RP1: variants seen among roughly 807,000 people sequenced by gnomAD.
The protein encoded by RP1 is RP1 axonemal microtubule associated.
A neutral mutation model predicts 14.8 loss-of-function variants in RP1; 16 were observed. That is an observed-to-expected ratio of 1.08 (90% CI 0.73 to 1.65). The LOEUF (loss-of-function observed/expected upper bound fraction) is 1.65. Among genes scored for constraint, RP1 ranks in the 40% most tolerant of loss-of-function variants. The pLI, the probability that RP1 is intolerant of heterozygous loss-of-function variation, is 0.00. For missense variants in RP1, 2,631 were observed against 2,535.0 expected (o/e 1.04, Z -0.81); for synonymous variants, 876 against 883.6 (o/e 0.99, Z 0.15).
rs183840515 is a variant in RP1 at position 54,610,493 on chromosome 8, C to A, written c.-12-10462C>A. Among the ~76,000 whole-genome samples the A allele has an allele frequency of 1.1e-4, 17 of 152,196 alleles. No individual in the cohort carries two copies. The East Asian group carries it at 3.3e-3, about 29-fold the overall frequency. On this transcript the variant is annotated intron_variant, in intron 1 of 22. Transcript: ENST00000636932. Reference sequence around the variant, plus strand: ...TTTAGCTTGAACCTTTAGTATAATGCCTTTAGTATACTTAAGAATCTTCAG... The same window carrying A: ...TTTAGCTTGAACCTTTAGTATAATGACTTTAGTATACTTAAGAATCTTCAG...
chr8:54,587,490 T>C (rs1330114003), intron 1 of RP1, among the ~76,000 whole-genome samples: 4 of 151,748 alleles, frequency 2.6e-5, no homozygotes, highest in Non-Finnish European at 5.9e-5. Context: ...TCACCTTGCT[T>C]AGGCATTTTA....
At chr8:54,781,868 A>G (rs1442772557) in intron 23 of RP1, among the ~76,000 whole-genome samples, 1 of 152,154 alleles carries the variant, frequency 6.6e-6, no homozygotes, top group East Asian at 1.9e-4. Context: ...GCTAATTCCA[A>G]AAAGGAGGAA....
chr8:54,701,673 G>A (rs1056738738), intron 14 of RP1: 14 of 1,533,060 alleles, frequency 9.1e-6, no homozygotes, highest in Non-Finnish European at 1.2e-5. Context: ...GTAAAATGGA[G>A]AAAGTTATTA....
intron 22 of RP1, among the ~76,000 whole-genome samples, chr8:54,762,696 G>A (rs1256520311): frequency 3.3e-5 from 5 of 152,124 alleles, no homozygotes; most frequent in African/African-American, 9.7e-5. Flanking sequence ...TGATTGCATT[G>A]AACAACTGAA....
chr8:54,723,995 C>T lies in RP1; in HGVS notation c.2390-2350C>T, dbSNP rs189518672. Among the ~76,000 whole-genome samples, 7 of 152,264 alleles carry T rather than the reference C, an allele frequency of 4.6e-5. No individual in the cohort carries two copies. The East Asian group carries it at 9.6e-4, about 21-fold the overall frequency. On this transcript the variant is annotated intron_variant, in intron 16 of 22. Transcript: ENST00000636932. ...TTAGTAACCCCTCAAAAATGCAGGA[C>T]TGAAGATATGGTTCAGATGTTACTT...
At chr8:54,630,884 A>T, downstream of RP1, 3 of 926,616 alleles carry the variant, frequency 3.2e-6, no homozygotes, top group East Asian at 2.3e-4. Flanking sequence ...TGAAATTGCA[A>T]GCATTTCCAT....
chr8:54,670,332 A>G (rs1002123327), intron 7 of RP1, among the ~76,000 whole-genome samples: 4 of 151,182 alleles, frequency 2.6e-5, no homozygotes, highest in Non-Finnish European at 5.9e-5. Flanking sequence ...TTTTCTATCC[A>G]TTATTGAAAG....
chr8:54,727,586 AT>A (rs1020463517), intron 17 of RP1, among the ~76,000 whole-genome samples: 3 of 151,934 alleles, frequency 2.0e-5, no homozygotes, highest in Admixed American at 6.6e-5. Flanking sequence ...ATTTTTAAGG[AT>A]TTTTTTTACT....
Position 54,671,303 on chromosome 8 carries a change from C to T in RP1, c.1324-2547C>T, listed in dbSNP as rs560351305. Reference sequence around the variant, plus strand: ...CACCAGTTTGATTATAATGTGTCTACGTTGGATTTCTTTTGGTTTATTTTA... The same window carrying T: ...CACCAGTTTGATTATAATGTGTCTATGTTGGATTTCTTTTGGTTTATTTTA... On this transcript the variant is annotated intron_variant, in intron 7 of 22. Coordinates refer to the RP1 transcript ENST00000636932. 1.8e-4 allele frequency among the ~76,000 whole-genome samples: 27 copies of T among 152,110 alleles called. No individual in the cohort carries two copies. In the South Asian group the frequency reaches 4.2e-3, roughly 23 times the overall value.
intron 3 of RP1, among the ~76,000 whole-genome samples, chr8:54,645,400 A>G (rs993393161): frequency 6.6e-6 from 1 of 151,948 alleles, no homozygotes; most frequent in African/African-American, 2.4e-5. Context: ...ACTGTTTTTA[A>G]TTTTAGTTAT....
At chr8:54,731,138 T>G (rs935563245) in intron 17 of RP1, among the ~76,000 whole-genome samples, 3 of 152,200 alleles carry the variant, frequency 2.0e-5, no homozygotes, top group African/African-American at 7.2e-5. Context: ...CCATGAACTA[T>G]TAGAATCAGC....
At chr8:54,769,674 A>C (rs1809853621) in intron 22 of RP1, 1 of 1,126,376 alleles carries the variant, frequency 8.9e-7, no homozygotes, top group Non-Finnish European at 1.3e-6. Context: ...AAATTGAGAA[A>C]ATCAGAAATT....
chr8:54,866,910 T>G (rs1311743049), intron 28 of RP1, among the ~76,000 whole-genome samples: 1 of 152,188 alleles, frequency 6.6e-6, no homozygotes, highest in Non-Finnish European at 1.5e-5. Context: ...TATCCATCCA[T>G]TTAATATGTT....
chr8:54,823,766 T>C (rs916259724), intron 24 of RP1, among the ~76,000 whole-genome samples: 4 of 152,222 alleles, frequency 2.6e-5, no homozygotes, highest in East Asian at 3.8e-4. Flanking sequence ...AAAATAAATA[T>C]GTATGAGACT....
At chr8:54,813,522 A>C (rs991017702) in intron 24 of RP1, among the ~76,000 whole-genome samples, 6 of 152,244 alleles carry the variant, frequency 3.9e-5, no homozygotes, top group African/African-American at 1.2e-4. Context: ...GAATGAGAAA[A>C]ACTTTTCCAC....
chr8:54,589,201 G>A (rs1005299542), intron 1 of RP1, among the ~76,000 whole-genome samples: 1 of 152,116 alleles, frequency 6.6e-6, no homozygotes, highest in Admixed American at 6.5e-5. Flanking sequence ...AAAGTCCACT[G>A]CTTTATTTTC....
intron 25 of RP1, among the ~76,000 whole-genome samples, chr8:54,849,723 T>C (rs1416924196): frequency 6.6e-6 from 1 of 152,212 alleles, no homozygotes; most frequent in African/African-American, 2.4e-5. Context: ...TAAATCTTAT[T>C]TATGTAGTCT....
At chr8:54,593,174 C>T (rs1208869164) in intron 1 of RP1, among the ~76,000 whole-genome samples, 2 of 152,166 alleles carry the variant, frequency 1.3e-5, no homozygotes, top group Non-Finnish European at 2.9e-5. Flanking sequence ...CCCAGAAAAG[C>T]AACTGGCAAA....
intron 3 of RP1, among the ~76,000 whole-genome samples, chr8:54,640,480 C>T (rs1313078800): frequency 6.6e-6 from 1 of 152,114 alleles, no homozygotes; most frequent in Non-Finnish European, 1.5e-5. Flanking sequence ...ACTGCTAAAC[C>T]AGCAGCTGGA....
Sources: allele counts gnomAD v4.1 joint callset (sites outside exome capture counted in the v4.1 genomes callset), GRCh38; gene constraint gnomAD v4.1.1; transcripts MANE v1.5; gene names NCBI Gene and HGNC (gene_info 2026-07-23, HGNC 2026-07-21).